The following RALGAPA2 variants were observed in gnomAD, a reference collection of about 807,000 sequenced individuals.
RALGAPA2 encodes ral GTPase-activating protein subunit alpha-2.
A neutral mutation model predicts 230.4 loss-of-function variants in RALGAPA2; 139 were observed. That is an observed-to-expected ratio of 0.60 (90% CI 0.53 to 0.69). RALGAPA2 has a LOEUF of 0.69. Ranked by LOEUF, RALGAPA2 falls within the 30% of genes least tolerant of loss-of-function variation. RALGAPA2 has a pLI of 0.00. For synonymous variants in RALGAPA2, 847 were observed against 837.8 expected (o/e 1.01, Z -0.19); for missense variants, 2,163 against 2,276.0 (o/e 0.95, Z 1.01).
rs78708239 is a variant in RALGAPA2, at chr20:20,657,532, A to G, written c.271-3945T>C. On this transcript the variant is annotated intron_variant, in intron 3 of 39. Transcript: ENST00000202677. ...CACATTGGAAAGCTGAAGTTCTAAG[A>G]GACGGGCCCCCTACTTGAGAGACAT... is the stretch of plus-strand genomic sequence containing the variant. Among the ~76,000 whole-genome samples the G allele has an allele frequency of 5.2e-3, 791 of 152,356 alleles. 7 individuals carry two copies. Among genetic ancestry groups the G allele is most frequent in the African/African-American group, 0.018 (753 of 41,586 alleles).
At chr20:20,538,490 T>C (rs146891004) in intron 24 of RALGAPA2, among the ~76,000 whole-genome samples, 1 of 152,008 alleles carries the variant, frequency 6.6e-6, no homozygotes, top group African/African-American at 2.4e-5. Flanking sequence ...AATCAAAGAC[T>C]CCCGGGAAAA....
intron 23 of RALGAPA2, among the ~76,000 whole-genome samples, chr20:20,565,639 G>A (rs2064392375): frequency 6.6e-6 from 1 of 151,970 alleles, no homozygotes; most frequent in Non-Finnish European, 1.5e-5. Flanking sequence ...TTAAAATTAT[G>A]GTTTTTTTTA....
chr20:20,591,760 C>G (rs755872638), intron 16 of RALGAPA2, among the ~76,000 whole-genome samples: 4 of 152,004 alleles, frequency 2.6e-5, no homozygotes, highest in Non-Finnish European at 4.4e-5. Flanking sequence ...CTGCATTATG[C>G]CTTTTTAACA....
At chr20:20,552,579 T>A (rs1438304727) in intron 23 of RALGAPA2, among the ~76,000 whole-genome samples, 1 of 152,160 alleles carries the variant, frequency 6.6e-6, no homozygotes. Context: ...TATGATTCAT[T>A]CTATACTTGG....
chr20:20,444,527 T>C (rs1377163582), intron 37 of RALGAPA2, among the ~76,000 whole-genome samples: 2 of 152,162 alleles, frequency 1.3e-5, no homozygotes, highest in Admixed American at 6.5e-5. Flanking sequence ...AACACACTCA[T>C]GTTATCAGCA....
rs141637456 is a variant in RALGAPA2 at position 20,514,388 on chromosome 20, C to G, written c.4085-1104G>C. ...CTCTCTGCTTCATGCTTAGGCAGGT[C>G]TCCAGGCACTGAGAGCTCCTGCTTG... is the stretch of plus-strand genomic sequence containing the variant. On this transcript the variant is annotated intron_variant, in intron 31 of 39. Transcript: ENST00000202677. Among the ~76,000 whole-genome samples, 1,249 of 152,278 alleles carry G rather than the reference C, an allele frequency of 8.2e-3. 12 individuals are homozygous for G. The highest frequency in any genetic ancestry group is 0.015 in the Non-Finnish European group (997 of 68,026).
At chr20:20,505,556 G>C in intron 33 of RALGAPA2, 22 bp from the exon 34 acceptor site, 1 of 1,532,186 alleles carries the variant, frequency 6.5e-7, no homozygotes, top group Non-Finnish European at 8.8e-7. Context: ...TAAATTTAAA[G>C]GAGTTAGAAT....
intron 2 of RALGAPA2, among the ~76,000 whole-genome samples, chr20:20,678,227 C>A (rs1196696638): frequency 6.6e-6 from 1 of 152,128 alleles, no homozygotes; most frequent in Non-Finnish European, 1.5e-5. Flanking sequence ...TAGGCATTTT[C>A]TTTTATTCTT....
chr20:20,608,715 A>T (rs923579182), intron 14 of RALGAPA2, among the ~76,000 whole-genome samples: 6 of 152,184 alleles, frequency 3.9e-5, no homozygotes, highest in Non-Finnish European at 8.8e-5. Flanking sequence ...CCTGGCTGGT[A>T]AGTCCAGACC....
chr20:20,480,363 C>T (rs2061746961), intron 36 of RALGAPA2, among the ~76,000 whole-genome samples: 2 of 152,212 alleles, frequency 1.3e-5, no homozygotes, highest in Admixed American at 6.5e-5. Flanking sequence ...CCCACACAGC[C>T]TCCTGCCTGT....
chr20:20,668,233 T>C (rs1391674009), intron 3 of RALGAPA2, among the ~76,000 whole-genome samples: 1 of 152,020 alleles, frequency 6.6e-6, no homozygotes, highest in Non-Finnish European at 1.5e-5. Context: ...TAAAATCTCA[T>C]CTCTACTAAG....
chr20:20,658,456 G>A (rs1430226364), intron 3 of RALGAPA2, among the ~76,000 whole-genome samples: 2 of 152,180 alleles, frequency 1.3e-5, no homozygotes, highest in Non-Finnish European at 2.9e-5. Context: ...CTATACTGCT[G>A]TGAATGCCAC....
intron 10 of RALGAPA2, among the ~76,000 whole-genome samples, chr20:20,624,076 T>C (rs1010668691): frequency 9.9e-5 from 15 of 152,120 alleles, no homozygotes; most frequent in Non-Finnish European, 1.8e-4. Flanking sequence ...CCTGTGATCC[T>C]AGCAATTTGG....
rs1167143045 is a variant in RALGAPA2 at position 20,390,464 on chromosome 20, T to C, written c.*2825A>G. On this transcript the variant is annotated 3_prime_UTR_variant, in exon 40 of 40. Coordinates refer to ENST00000202677, the MANE Select transcript of RALGAPA2 (RefSeq NM_020343.4). ...CTTTGCTCTGGATGGAATCTGGGAA[T>C]AGGTGTGCAGAGAAGTGAGGGAACT... The C allele has an allele frequency of 2.0e-5, 3 of 152,160 alleles. No homozygotes were observed. The highest frequency in any genetic ancestry group is 4.4e-5 in the Non-Finnish European group (3 of 68,034). The allele number at this position is 152,160 out of a possible 1,614,324, so 9.4% of individuals were successfully genotyped here.
At chr20:20,507,282 A>C (rs1378960879) in intron 33 of RALGAPA2, among the ~76,000 whole-genome samples, 2 of 152,226 alleles carry the variant, frequency 1.3e-5, no homozygotes, top group African/African-American at 4.8e-5. Context: ...CTTTCATTTT[A>C]AAAGACATTT....
intron 16 of RALGAPA2, among the ~76,000 whole-genome samples, chr20:20,597,464 G>A (rs1242614198): frequency 6.6e-6 from 1 of 152,092 alleles, no homozygotes; most frequent in Non-Finnish European, 1.5e-5. Context: ...ATTCTATAAA[G>A]TAATATGGTA....
chr20:20,536,781 G>A lies in RALGAPA2; in HGVS notation c.3289C>T (p.Pro1097Ser). 6.2e-7 allele frequency: 1 copy of A among 1,611,346 alleles called. No homozygotes were observed. ...AGGACAGTGACAGCCTCTGAACGAGGCGCCTGCACATAAGGAAGAGGAGCA... is the reference window on the plus strand; with the variant it reads ...AGGACAGTGACAGCCTCTGAACGAGACGCCTGCACATAAGGAAGAGGAGCA... Reference protein sequence around the residue: ...RVLSTDILTAPRSEAVTVLGS... With the variant: ...RVLSTDILTASRSEAVTVLGS... Residue 1097 changes from proline (P) to serine (S), a missense_variant, in exon 25 of 40, where the codon CCT becomes TCT. Pro to Ser is a moderately conservative substitution (Grantham distance 74). Coordinates refer to ENST00000202677, the MANE Select transcript of RALGAPA2 (RefSeq NM_020343.4).
intron 4 of RALGAPA2, among the ~76,000 whole-genome samples, chr20:20,649,086 C>T (rs554352198): frequency 6.6e-6 from 1 of 152,182 alleles, no homozygotes; most frequent in Non-Finnish European, 1.5e-5. Context: ...TGGAAAAACA[C>T]CAGGTGAGTT....
Position 20,605,286 on chromosome 20 carries a change from T to C in RALGAPA2, c.1927A>G (p.Ile643Val), listed in dbSNP as rs368421397. Residue 643 changes from isoleucine to valine, a missense_variant, in exon 15 of 40, where the codon ATT becomes GTT. By Grantham distance (29) the Ile-to-Val change is conservative. Coordinates refer to ENST00000202677, the MANE Select transcript of RALGAPA2 (RefSeq NM_020343.4). Reference sequence around the variant, plus strand: ...AGCACTGCTGTCAAGGAGTCCATAATGTTGGCCCACTCGTTTATAAGTTCC... The same window carrying C: ...AGCACTGCTGTCAAGGAGTCCATAACGTTGGCCCACTCGTTTATAAGTTCC... Reference protein sequence around the residue: ...WEELINEWANIMDSLTAVLAR... With the variant: ...WEELINEWANVMDSLTAVLAR... 7.7e-5 allele frequency: 124 copies of C among 1,613,840 alleles called. No individual in the cohort carries two copies. In the East Asian group the frequency reaches 2.1e-3, roughly 27 times the overall value.
Sources: gnomAD v4.1 joint callset for allele counts (sites outside exome capture counted in the v4.1 genomes callset) on GRCh38, gnomAD v4.1.1 for gene constraint, MANE v1.5 for transcripts, NCBI Gene and HGNC (gene_info 2026-07-23, HGNC 2026-07-21) for gene names.